Variants in ASB7 observed in about 807,000 individuals in gnomAD.
The protein encoded by ASB7 is ankyrin repeat and SOCS box protein 7.
A neutral mutation model predicts 32.5 loss-of-function variants in ASB7; 4 were observed. The observed-to-expected ratio is 0.12, with a 90% CI of 0.06 to 0.28. The LOEUF is 0.28. ASB7 is among the 10% of genes least tolerant of loss of function. The pLI is 1.00. For synonymous variants in ASB7, 172 were observed against 155.6 expected (o/e 1.11, Z -0.78); for missense variants, 181 against 407.1 (o/e 0.44, Z 4.78).
intron 5 of ASB7, among the ~76,000 whole-genome samples, chr15:100,638,200 G>A (rs767077307): frequency 6.6e-6 from 1 of 152,112 alleles, no homozygotes; most frequent in East Asian, 1.9e-4. Context: ...TGTTAGCCTA[G>A]TGTTTCAGAA....
chr15:100,625,477 TTAAAA>T (rs1433874466), intron 4 of ASB7, among the ~76,000 whole-genome samples: 3 of 152,180 alleles, frequency 2.0e-5, no homozygotes, highest in Non-Finnish European at 4.4e-5. Flanking sequence ...GCAACAAAGT[TTAAAA>T]TATTTAATAA....
At chr15:100,633,015 C>G (rs1042263554) in intron 5 of ASB7, among the ~76,000 whole-genome samples, 1 of 151,940 alleles carries the variant, frequency 6.6e-6, no homozygotes, top group Admixed American at 6.6e-5. Context: ...AGAACCTCCC[C>G]CTTCCAGGAC....
rs1245067704 is a variant in ASB7, at chr15:100,648,715, C to T, written c.*253C>T. The stretch of plus-strand genomic sequence containing the variant: ...TTGGTCCAAGTTTAAGAGGTCCAAG[C>T]TTTGTATACAATACTGCATTTAGAA... On this transcript the variant is annotated 3_prime_UTR_variant, in exon 6 of 6. Transcript: ENST00000332783. 7 of 339,272 alleles carry T rather than the reference C, an allele frequency of 2.1e-5. No individual in the cohort carries two copies. Among genetic ancestry groups the T allele is most frequent in the Non-Finnish European group, 3.7e-5 (7 of 188,546 alleles). The allele number at this position is 339,272 out of a possible 1,614,324, so 21.0% of individuals were successfully genotyped here.
chr15:100,622,473 A>C (rs1419527442), intron 4 of ASB7, among the ~76,000 whole-genome samples: 1 of 152,202 alleles, frequency 6.6e-6, no homozygotes, highest in Non-Finnish European at 1.5e-5. Context: ...ATTCATATGG[A>C]ACCAAAAAAG....
At chr15:100,624,129 A>G (rs1304526107) in intron 4 of ASB7, among the ~76,000 whole-genome samples, 1 of 152,218 alleles carries the variant, frequency 6.6e-6, no homozygotes. Flanking sequence ...TAGAGAATAG[A>G]AGATAGAAAA....
intron 2 of ASB7, among the ~76,000 whole-genome samples, chr15:100,605,506 G>A (rs975318203): frequency 6.6e-6 from 1 of 152,178 alleles, no homozygotes; most frequent in Admixed American, 6.5e-5. Context: ...TTTACAATTA[G>A]TTAATACTAT....
intron 4 of ASB7, among the ~76,000 whole-genome samples, chr15:100,616,418 G>A (rs10431863): frequency 0.33 from 49,460 of 152,004 alleles, 8,719 homozygotes; most frequent in East Asian, 0.63. Context: ...TGTTTAGGAA[G>A]TATACTGCAG....
At chr15:100,637,244 C>T (rs2039930470) in intron 5 of ASB7, among the ~76,000 whole-genome samples, 1 of 152,174 alleles carries the variant, frequency 6.6e-6, no homozygotes, top group African/African-American at 2.4e-5. Flanking sequence ...AGAGTAGAAG[C>T]TAAACTCTAG....
rs1394558558 is a variant in ASB7, at chr15:100,602,879, C to CTCCT, written c.-439_-436dup. ...GCTGCCCGGCGGCCGGGATCGCCAC[C>CTCCT]TCCTGCCTTCTCGGCTGTTCGGATG... is the stretch of plus-strand genomic sequence containing the variant. On this transcript the variant is annotated 5_prime_UTR_variant, in exon 1 of 6. An upstream open reading frame in the 5' UTR gains an earlier in-frame stop. Coordinates refer to ENST00000332783, the MANE Select transcript of ASB7 (RefSeq NM_198243.3). 6.8e-5 allele frequency: 27 copies of CTCCT among 397,400 alleles called. No individual in the cohort carries two copies. In the East Asian group the frequency reaches 9.6e-4, roughly 14 times the overall value. The allele number at this position is 397,400 out of a possible 1,614,324, so 24.6% of individuals were successfully genotyped here.
At chr15:100,632,891 T>G (rs1012956140) in intron 5 of ASB7, among the ~76,000 whole-genome samples, 1 of 149,622 alleles carries the variant, frequency 6.7e-6, no homozygotes, top group Admixed American at 6.6e-5. Context: ...ACCCGTGGCT[T>G]GGTAATAAAC....
chr15:100,628,319 A>G (rs1249451477), intron 4 of ASB7, among the ~76,000 whole-genome samples: 1 of 152,226 alleles, frequency 6.6e-6, no homozygotes, highest in Non-Finnish European at 1.5e-5. Context: ...TTGTCATAAT[A>G]TGTTCTAGAC....
chr15:100,646,483 T>C, intron 5 of ASB7: 1 of 465,260 alleles, frequency 2.1e-6, no homozygotes, highest in Non-Finnish European at 4.4e-6. Flanking sequence ...AAACTGACCC[T>C]TAATAAGGAA....
intron 1 of ASB7, 47 bp from the exon 2 acceptor site, chr15:100,603,168 C>T: frequency 5.1e-6 from 2 of 393,796 alleles, no homozygotes; most frequent in Non-Finnish European, 8.9e-6. Context: ...GCTCCCCCCT[C>T]CCCACCTCTG....
intron 5 of ASB7, chr15:100,645,844 T>C (rs2039993948): frequency 9.1e-7 from 1 of 1,096,898 alleles, no homozygotes; most frequent in South Asian, 1.3e-5. Context: ...GCTAATTTCA[T>C]GGTCCCAAGA....
At chr15:100,637,471 T>C (rs1442860343) in intron 5 of ASB7, among the ~76,000 whole-genome samples, 1 of 152,238 alleles carries the variant, frequency 6.6e-6, no homozygotes, top group Non-Finnish European at 1.5e-5. Context: ...TTTTTTGATC[T>C]CATGTAATGG....
At chr15:100,635,464 A>G (rs2039915775) in intron 5 of ASB7, among the ~76,000 whole-genome samples, 1 of 151,980 alleles carries the variant, frequency 6.6e-6, no homozygotes, top group African/African-American at 2.4e-5. Context: ...CTTTGACCTG[A>G]GGCTTTTTGT....
intron 2 of ASB7, among the ~76,000 whole-genome samples, chr15:100,607,789 A>G (rs1257957725): frequency 6.6e-6 from 1 of 152,238 alleles, no homozygotes; most frequent in African/African-American, 2.4e-5. Flanking sequence ...TGTTTGACTG[A>G]AGGAGCTCAT....
rs564581642 is a variant in ASB7 at position 100,602,685 on chromosome 15, G to A, written c.-634G>A. ...CCGGAGACCCCACGGCTGGCACTTCGGGCCCCGTATGACCTGGGACCTCGC... is the reference window on the plus strand; with the variant it reads ...CCGGAGACCCCACGGCTGGCACTTCAGGCCCCGTATGACCTGGGACCTCGC... On this transcript the variant is annotated 5_prime_UTR_variant, in exon 1 of 6. Coordinates refer to ENST00000332783, the MANE Select transcript of ASB7 (RefSeq NM_198243.3). 3 of 316,294 alleles carry A rather than the reference G, an allele frequency of 9.5e-6. No homozygotes were observed. The highest frequency in any genetic ancestry group is 1.0e-4 in the East Asian group (2 of 19,666). The allele number at this position is 316,294 out of a possible 1,614,324, so 19.6% of individuals were successfully genotyped here. A position where few individuals can be genotyped will look rare whatever the true frequency, so the allele number is the denominator to read the frequency against.
At chr15:100,643,470 CCTT>C (rs1461155470) in intron 5 of ASB7, among the ~76,000 whole-genome samples, 3 of 148,568 alleles carry the variant, frequency 2.0e-5, no homozygotes, top group African/African-American at 7.4e-5. Flanking sequence ...TGTCTCAGTC[CCTT>C]CTTCTTTTTT....
Sources: allele counts gnomAD v4.1 joint callset (sites outside exome capture counted in the v4.1 genomes callset), GRCh38; gene constraint gnomAD v4.1.1; transcripts MANE v1.5; gene names NCBI Gene and HGNC (gene_info 2026-07-23, HGNC 2026-07-21).